SCN3B: variants seen among roughly 807,000 people sequenced by gnomAD.
The protein encoded by SCN3B is sodium voltage-gated channel beta subunit 3.
Under a neutral mutation model 25.4 loss-of-function variants are expected in SCN3B, and 11 were observed. The ratio of observed to expected loss-of-function variants is 0.43; its 90% confidence interval spans 0.27 to 0.72. The LOEUF is 0.72. SCN3B is among the 30% of genes least tolerant of loss of function. The pLI, the probability that SCN3B is intolerant of heterozygous loss-of-function variation, is 0.18. For missense variants in SCN3B, 218 were observed against 278.3 expected (o/e 0.78, Z 1.54); for synonymous variants, 109 against 110.7 (o/e 0.99, Z 0.09).
chr11:123,629,816 T>G lies in SCN3B; in HGVS notation c.*3983A>C, dbSNP rs1955647166. On this transcript the variant is annotated 3_prime_UTR_variant, in exon 7 of 7. Coordinates refer to ENST00000299333, the MANE Select transcript of SCN3B (RefSeq NM_001040151.2). Reference sequence around the variant, plus strand: ...CAAAATGAGGTGAGAGGAAGGCTTCTTTTGTTTTTGTTTTTCATTTTTTTC... The same window carrying G: ...CAAAATGAGGTGAGAGGAAGGCTTCGTTTGTTTTTGTTTTTCATTTTTTTC... 6.6e-6 allele frequency: 1 copy of G among 151,822 alleles called. No homozygotes were observed. The highest frequency in any genetic ancestry group is 1.5e-5 in the Non-Finnish European group (1 of 68,054). 9.4% of individuals were successfully genotyped at this position (151,822 alleles called of 1,614,324 possible). A position where few individuals can be genotyped will look rare whatever the true frequency, so the allele number is the denominator to read the frequency against.
At chr11:123,633,843 C>T (rs1955697478) in intron 6 of SCN3B, 67 bp from the exon 7 acceptor site, 2 of 391,102 alleles carry the variant, frequency 5.1e-6, no homozygotes, top group Non-Finnish European at 4.9e-6. Flanking sequence ...CCCAAAAATT[C>T]TTTGACCAAA....
chr11:123,652,581 A>G (rs1005366906), intron 2 of SCN3B, among the ~76,000 whole-genome samples: 1 of 152,342 alleles, frequency 6.6e-6, no homozygotes, highest in African/African-American at 2.4e-5. Flanking sequence ...TGGGAACATA[A>G]GCTCACATGC....
rs1324096089 is a variant in SCN3B at position 123,642,613 on chromosome 11, T to C, written c.278A>G (p.Gln93Arg). ...EVESPFQGRL[Q>R]WNGSKDLQDV... Reference sequence around the variant, plus strand: ...CTGCAGGTCCTTGCTGCCATTCCACTGCAGGCGCCCCTGAAAGGGGCTCTC... The same window carrying C: ...CTGCAGGTCCTTGCTGCCATTCCACCGCAGGCGCCCCTGAAAGGGGCTCTC... The change falls in exon 4 of 7, where the codon CAG becomes CGG. Residue 93 changes from glutamine (Q) to arginine (R), a missense_variant. Coordinates refer to ENST00000299333, the MANE Select transcript of SCN3B (RefSeq NM_001040151.2). This position sits in a 1 kb window ranked among gnomAD's most constrained non-coding sequence, Gnocchi z 4.3. The C allele has an allele frequency of 6.2e-7, 1 of 1,607,952 alleles. No homozygotes were observed. Among genetic ancestry groups the C allele is most frequent in the Non-Finnish European group, 8.5e-7 (1 of 1,176,448 alleles).
In SCN3B at chr11:123,642,434, C is replaced by T. The variant is rs773866969; in HGVS notation, c.445+12G>A. Reference sequence around the variant, plus strand: ...AGCAGGACGCCCTAGAGACCCTGTGCCTCAGCCTCACCCTCCTCGGTGACT... The same window carrying T: ...AGCAGGACGCCCTAGAGACCCTGTGTCTCAGCCTCACCCTCCTCGGTGACT... On this transcript the variant is annotated intron_variant, in intron 4 of 6. Transcript: ENST00000299333. The surrounding 1 kb of genome is among the most constrained non-coding windows in gnomAD (Gnocchi z 4.3). 6.2e-7 allele frequency: 1 copy of T among 1,613,712 alleles called. No homozygotes were observed. Among genetic ancestry groups the T allele is most frequent in the Non-Finnish European group, 8.5e-7 (1 of 1,179,628 alleles).
intron 2 of SCN3B, among the ~76,000 whole-genome samples, chr11:123,651,561 G>C (rs1409462702): frequency 6.6e-6 from 1 of 152,034 alleles, no homozygotes; most frequent in East Asian, 1.9e-4. Flanking sequence ...ATGGGGTTTC[G>C]CCGTGTTGGC....
At position 123,634,672 on chromosome 11, in the gene SCN3B, G is replaced by T. The variant is rs567772056; in HGVS notation, c.585-466C>A. On this transcript the variant is annotated intron_variant, in intron 5 of 6. Coordinates refer to ENST00000299333, the MANE Select transcript of SCN3B (RefSeq NM_001040151.2). Reference sequence around the variant, plus strand: ...TGGGAGGATCACCTGAGCCTGGGAGGTCGAGGCCATGATTGCACCACTGCA... The same window carrying T: ...TGGGAGGATCACCTGAGCCTGGGAGTTCGAGGCCATGATTGCACCACTGCA... Among the ~76,000 whole-genome samples, 6 of 152,308 alleles carry T rather than the reference G, an allele frequency of 3.9e-5. No individual in the cohort carries two copies. The East Asian group carries it at 1.2e-3, about 29-fold the overall frequency.
chr11:123,634,249 A>T (rs1955701942), intron 5 of SCN3B, 43 bp from the exon 6 acceptor site: 1 of 1,552,824 alleles, frequency 6.4e-7, no homozygotes, highest in Non-Finnish European at 8.9e-7. Context: ...TTCAGTGCCC[A>T]GCGTGGGAAC....
intron 4 of SCN3B, chr11:123,638,527 A>C: frequency 1.5e-6 from 1 of 646,802 alleles, no homozygotes; most frequent in Non-Finnish European, 2.6e-6. Flanking sequence ...GGGAAGAGGG[A>C]GTGGGATGCC....
chr11:123,631,674 C>G lies in SCN3B; in HGVS notation c.*2125G>C, dbSNP rs1269526278. 1 of 151,818 alleles carries G rather than the reference C, an allele frequency of 6.6e-6. No individual in the cohort carries two copies. The highest frequency in any genetic ancestry group is 1.5e-5 in the Non-Finnish European group (1 of 67,980). 9.4% of individuals were successfully genotyped at this position (151,818 alleles called of 1,614,324 possible). A position where few individuals can be genotyped will look rare whatever the true frequency, so the allele number is the denominator to read the frequency against. ...AAGACCCCTGTCTCTACATAAAATA[C>G]AAAAATTAGCCAGGCATGGTGGTGC... On this transcript the variant is annotated 3_prime_UTR_variant, in exon 7 of 7. Transcript: ENST00000299333.
rs1955665234 is a variant in SCN3B, at chr11:123,631,005, T to C, written c.*2794A>G. 6.6e-6 allele frequency: 1 copy of C among 152,244 alleles called. No individual in the cohort carries two copies. Among genetic ancestry groups the C allele is most frequent in the African/African-American group, 2.4e-5 (1 of 41,462 alleles). The allele number at this position is 152,244 out of a possible 1,614,324, so 9.4% of individuals were successfully genotyped here. A position where few individuals can be genotyped will look rare whatever the true frequency, so the allele number is the denominator to read the frequency against. On this transcript the variant is annotated 3_prime_UTR_variant, in exon 7 of 7. Transcript: ENST00000299333. ...AACCTCAGAGACCCTCAGTTTCTTC[T>C]TTTGTAATGTGACCTCACAGGACCA...
At position 123,638,281 on chromosome 11, in the gene SCN3B, G is replaced by A. The variant is rs1001532028; in HGVS notation, c.489C>T (p.Tyr163=). 3 of 1,614,138 alleles carry A rather than the reference G, an allele frequency of 1.9e-6. No homozygotes were observed. The stretch of plus-strand genomic sequence containing the variant: ...ACAAGGTGAGGAAGACCAGAAGGAT[G>A]TACATCATGATTTCTGAGACCACAG... ...FTSVVSEIMM[Y]ILLVFLTLWL... The change falls in exon 5 of 7, where the codon TAC becomes TAT. Residue 163 remains tyrosine (Y), a synonymous_variant. Coordinates refer to ENST00000299333, the MANE Select transcript of SCN3B (RefSeq NM_001040151.2).
At chr11:123,638,439 G>A in intron 4 of SCN3B, 115 bp from the exon 5 acceptor site, 3 of 1,389,988 alleles carry the variant, frequency 2.2e-6, no homozygotes, top group Non-Finnish European at 3.0e-6. Context: ...AACTCAAGAA[G>A]ATGTCAAAGG....
chr11:123,639,900 A>G (rs1399532605), intron 4 of SCN3B: 2 of 152,226 alleles, frequency 1.3e-5, no homozygotes, highest in Non-Finnish European at 2.9e-5. Context: ...AAAACATACT[A>G]CATGGCAGAT....
chr11:123,643,596 A>G (rs2137243460), intron 3 of SCN3B, among the ~76,000 whole-genome samples: 1 of 152,398 alleles, frequency 6.6e-6, no homozygotes, highest in South Asian at 2.1e-4. Context: ...CAGCACAGAT[A>G]GAGAAGGTTT....
rs778618728 is a variant in SCN3B at position 123,642,620 on chromosome 11, G to A, written c.271C>T (p.Arg91Cys). 5.0e-6 allele frequency: 8 copies of A among 1,614,056 alleles called. No individual in the cohort carries two copies. The highest frequency in any genetic ancestry group is 1.3e-5 in the African/African-American group (1 of 74,922). ...TCCTTGCTGCCATTCCACTGCAGGC[G>A]CCCCTGAAAGGGGCTCTCCACCTCC... is the stretch of plus-strand genomic sequence containing the variant. ...HQEVESPFQG[R>C]LQWNGSKDLQ... is the part of the protein sequence containing the mutation. Residue 91 changes from arginine (R) to cysteine (C), a missense_variant, in exon 4 of 7, where the codon CGC (arginine) becomes TGC (cysteine). Arg to Cys is a radical substitution (Grantham distance 180). Coordinates refer to ENST00000299333, the MANE Select transcript of SCN3B (RefSeq NM_001040151.2). This position sits in a 1 kb window ranked among gnomAD's most constrained non-coding sequence, Gnocchi z 4.3.
chr11:123,646,383 T>C (rs1591348532), intron 2 of SCN3B, among the ~76,000 whole-genome samples: 2 of 152,212 alleles, frequency 1.3e-5, no homozygotes, highest in African/African-American at 2.4e-5. Flanking sequence ...GCAGGGCCCA[T>C]GCTGTGAAGA....
At chr11:123,651,929 C>A (rs982332946) in intron 2 of SCN3B, among the ~76,000 whole-genome samples, 4 of 152,178 alleles carry the variant, frequency 2.6e-5, no homozygotes, top group African/African-American at 4.8e-5. Flanking sequence ...TCACCCGTGC[C>A]AACTTCCAAA....
At chr11:123,639,746 T>G (rs545306420) in intron 4 of SCN3B, 2 of 152,362 alleles carry the variant, frequency 1.3e-5, no homozygotes, top group Admixed American at 1.3e-4. Context: ...CTGTGGACTG[T>G]GTGCTTATTG....
rs1483233719 is a variant in SCN3B, at chr11:123,630,300, C to T, written c.*3499G>A. On this transcript the variant is annotated 3_prime_UTR_variant, in exon 7 of 7. Transcript: ENST00000299333. Reference sequence around the variant, plus strand: ...CAGTGAAGGTCAGCAGGGCAAGGTGCTCTCAGGGCCAACTGGATTGAGCAA... The same window carrying T: ...CAGTGAAGGTCAGCAGGGCAAGGTGTTCTCAGGGCCAACTGGATTGAGCAA... The T allele has an allele frequency of 1.3e-5, 2 of 152,638 alleles. No individual in the cohort carries two copies. The highest frequency in any genetic ancestry group is 2.9e-5 in the Non-Finnish European group (2 of 68,058). The allele number at this position is 152,638 out of a possible 1,614,324, so 9.5% of individuals were successfully genotyped here.
Sources: allele counts gnomAD v4.1 joint callset (sites outside exome capture counted in the v4.1 genomes callset), GRCh38; gene constraint gnomAD v4.1.1; non-coding constraint Gnocchi (gnomAD v3.1); transcripts MANE v1.5; gene names NCBI Gene and HGNC (gene_info 2026-07-23, HGNC 2026-07-21).